Variants in MYO18B observed in about 807,000 individuals in gnomAD.
MYO18B encodes unconventional myosin-XVIIIb.
Under a neutral mutation model 273.0 loss-of-function variants are expected in MYO18B, and 204 were observed. That is an observed-to-expected ratio of 0.75 (90% CI 0.67 to 0.84). MYO18B has a LOEUF of 0.84. Among genes scored for constraint, MYO18B ranks in the 40% least tolerant of loss-of-function variants. The probability of loss-of-function intolerance (pLI) is 0.00; values close to 1 mark genes in which losing one functional copy is unlikely to be tolerated. For missense variants in MYO18B, 3,212 were observed against 3,287.6 expected, an observed-to-expected ratio of 0.98 and a Z score of 0.56; for synonymous variants, 1,330 against 1,305.7, an observed-to-expected ratio of 1.02 and a Z score of -0.40.
At chr22:25,843,921 G>T in intron 18 of MYO18B, 27 bp downstream of exon 18, 1 of 1,588,916 alleles carries the variant, frequency 6.3e-7, no homozygotes, top group Non-Finnish European at 8.6e-7. Flanking sequence ...TTGGGGACGG[G>T]GATGGAGCAT....
At chr22:25,755,905 T>A (rs945735149) in intron 1 of MYO18B, among the ~76,000 whole-genome samples, 2 of 151,858 alleles carry the variant, frequency 1.3e-5, no homozygotes, top group Non-Finnish European at 2.9e-5. Flanking sequence ...TTTTCTTTCT[T>A]TCTTTTTTTT....
chr22:25,839,678 G>A (rs1045528205), intron 17 of MYO18B, among the ~76,000 whole-genome samples: 27 of 152,122 alleles, frequency 1.8e-4, no homozygotes, highest in South Asian at 2.1e-4. Flanking sequence ...GTGACTTTCC[G>A]GGCTGTCAAA....
chr22:26,025,417 TAG>T (rs1936164468), intron 42 of MYO18B, among the ~76,000 whole-genome samples: 1 of 152,106 alleles, frequency 6.6e-6, no homozygotes, highest in Admixed American at 6.5e-5. Context: ...CCTTTATACA[TAG>T]AGTTCTGAAT....
chr22:26,002,781 T>G (rs1044293886), intron 40 of MYO18B, among the ~76,000 whole-genome samples: 1 of 148,760 alleles, frequency 6.7e-6, no homozygotes, highest in Admixed American at 6.6e-5. Context: ...AGCATATTTG[T>G]TGAATGGAGG....
At chr22:25,977,544 A>T (rs1297605613) in intron 39 of MYO18B, among the ~76,000 whole-genome samples, 1 of 152,078 alleles carries the variant, frequency 6.6e-6, no homozygotes, top group Non-Finnish European at 1.5e-5. Flanking sequence ...GTTTTTGTGG[A>T]GAGGAGAAAG....
In MYO18B at chr22:25,876,249, G is replaced by T; in HGVS notation, c.4141G>T (p.Asp1381Tyr). 1 of 1,613,504 alleles carries T rather than the reference G, an allele frequency of 6.2e-7. No homozygotes were observed. The highest frequency in any genetic ancestry group is 1.7e-5 in the Admixed American group (1 of 59,960). ...KNVAVFLAVK[D>Y]WPWWQLLGSL... ...TGTGGCTGTGTTCCTCGCAGTCAAGGACTGGCCATGGTGGCAGCTGCTTGG... is the reference window on the plus strand; with the variant it reads ...TGTGGCTGTGTTCCTCGCAGTCAAGTACTGGCCATGGTGGCAGCTGCTTGG... The change falls in exon 24 of 44, where the codon GAC (aspartate) becomes TAC (tyrosine). Residue 1381 changes from aspartate (D) to tyrosine (Y), a missense_variant. Transcript: ENST00000335473.
rs554195483 is a variant in MYO18B at position 25,920,535 on chromosome 22, C to A, written c.5365-722C>A. On this transcript the variant is annotated intron_variant, in intron 33 of 43. Coordinates refer to ENST00000335473, the MANE Select transcript of MYO18B (RefSeq NM_032608.7). ...GGACTCCCTTGACAGCTGTCCCTGG[C>A]AAATTCAAGATTCTGGGGGAAGGAA... Among the ~76,000 whole-genome samples, 88 of 152,240 alleles carry A rather than the reference C, an allele frequency of 5.8e-4. No individual in the cohort carries two copies. The South Asian group carries it at 0.018, about 30-fold the overall frequency.
chr22:25,989,793 G>A (rs1360021630), intron 39 of MYO18B, among the ~76,000 whole-genome samples: 1 of 150,154 alleles, frequency 6.7e-6, no homozygotes, highest in Non-Finnish European at 1.5e-5. Context: ...AAAAAAGAGT[G>A]GAGCCTGGGC....
At chr22:26,028,250 G>GAA (rs199530121) in intron 43 of MYO18B, 38 of 130,540 alleles carry the variant, frequency 2.9e-4, no homozygotes, top group Middle Eastern at 3.8e-3. Context: ...CTGTCTCAGG[G>GAA]AAAAAAAAAA....
At chr22:25,833,068 G>A (rs2089771630) in intron 16 of MYO18B, 71 bp downstream of exon 16, 6 of 1,419,472 alleles carry the variant, frequency 4.2e-6, no homozygotes, top group Non-Finnish European at 6.0e-6. Context: ...GTGGATTTGA[G>A]TCTTCAGTCT....
At chr22:25,835,069 A>G (rs759505792) in intron 16 of MYO18B, among the ~76,000 whole-genome samples, 1 of 152,242 alleles carries the variant, frequency 6.6e-6, no homozygotes, top group Non-Finnish European at 1.5e-5. Context: ...AAGGCCACAC[A>G]GGAGGTGAGC....
chr22:26,060,328 T>C, the MYO18B span, among the ~76,000 whole-genome samples: 1 of 152,258 alleles, frequency 6.6e-6, no homozygotes, highest in African/African-American at 2.4e-5. Flanking sequence ...TGGCTCTTTA[T>C]AGGAAAAAGT....
At chr22:25,876,476 A>T (rs2091202004) in intron 24 of MYO18B, 144 bp downstream of exon 24, 5 of 864,604 alleles carry the variant, frequency 5.8e-6, no homozygotes, top group Non-Finnish European at 8.4e-6. Context: ...CCCCTTCCAG[A>T]TGTTCCTCTG....
At chr22:25,830,303 A>C (rs1350638046) in intron 15 of MYO18B, among the ~76,000 whole-genome samples, 1 of 152,098 alleles carries the variant, frequency 6.6e-6, no homozygotes, top group Non-Finnish European at 1.5e-5. Context: ...AGAGATAATA[A>C]TACTTTTGTA....
chr22:25,856,353 C>A (rs1206486868), intron 21 of MYO18B, among the ~76,000 whole-genome samples: 8 of 152,184 alleles, frequency 5.3e-5, no homozygotes, highest in African/African-American at 1.9e-4. Context: ...TGAGGGCAGG[C>A]AAAGTATTTA....
intron 33 of MYO18B, among the ~76,000 whole-genome samples, chr22:25,913,251 G>C (rs142825911): frequency 6.6e-6 from 1 of 152,368 alleles, no homozygotes; most frequent in Non-Finnish European, 1.5e-5. Flanking sequence ...CCACCAACAT[G>C]TGGCACTGTC....
chr22:25,894,389 A>G (rs970741452), intron 27 of MYO18B, among the ~76,000 whole-genome samples: 1 of 152,200 alleles, frequency 6.6e-6, no homozygotes, highest in Non-Finnish European at 1.5e-5. Flanking sequence ...CACTTGTGGA[A>G]TGTTTTCCAC....
rs574300712 is a variant in MYO18B at position 25,791,650 on chromosome 22, A to G, written c.2376+6159A>G. ...CCCAGCAGCAGTGGTAATAATAATA[A>G]TAATCCTTGCCACCCAGCAGTTTGC... On this transcript the variant is annotated intron_variant, in intron 11 of 43. Transcript: ENST00000335473. Among the ~76,000 whole-genome samples, 18 of 152,268 alleles carry G rather than the reference A, an allele frequency of 1.2e-4. No individual in the cohort carries two copies. In the South Asian group the frequency reaches 2.3e-3, roughly 19 times the overall value.
intron 15 of MYO18B, among the ~76,000 whole-genome samples, chr22:25,832,326 A>G (rs1055537503): frequency 1.2e-4 from 19 of 152,182 alleles, no homozygotes; most frequent in African/African-American, 4.6e-4. Flanking sequence ...ATTATTCACA[A>G]TAGCTGAAAG....
Sources: allele counts gnomAD v4.1 joint callset (sites outside exome capture counted in the v4.1 genomes callset), GRCh38; gene constraint gnomAD v4.1.1; transcripts MANE v1.5; gene names NCBI Gene and HGNC (gene_info 2026-07-23, HGNC 2026-07-21).